Variants in KCNIP4 observed in about 807,000 individuals in gnomAD.
The protein encoded by KCNIP4 is potassium voltage-gated channel interacting protein 4.
Under a neutral mutation model 34.0 loss-of-function variants are expected in KCNIP4, and 12 were observed. The observed-to-expected ratio is 0.35, with a 90% CI of 0.23 to 0.57. The LOEUF is 0.57. Ranked by LOEUF, KCNIP4 falls within the 20% of genes least tolerant of loss-of-function variation. The probability of loss-of-function intolerance (pLI) is 0.83; values close to 1 mark genes in which losing one functional copy is unlikely to be tolerated. For synonymous variants in KCNIP4, 124 were observed against 102.2 expected, an observed-to-expected ratio of 1.21 and a Z score of -1.29; for missense variants, 238 against 311.7, an observed-to-expected ratio of 0.76 and a Z score of 1.78.
chr4:21,271,505 G>A (rs1762142052), intron 1 of KCNIP4, among the ~76,000 whole-genome samples: 1 of 152,136 alleles, frequency 6.6e-6, no homozygotes, highest in African/African-American at 2.4e-5. Flanking sequence ...GATGCTCAGG[G>A]TGCCAATGCT....
chr4:20,927,381 G>T (rs1730009583), intron 1 of KCNIP4, among the ~76,000 whole-genome samples: 1 of 152,130 alleles, frequency 6.6e-6, no homozygotes, highest in Non-Finnish European at 1.5e-5. Flanking sequence ...AGTGGCAAAA[G>T]AAAAAGAAGT....
chr4:21,156,738 A>G (rs1283499109), intron 1 of KCNIP4, among the ~76,000 whole-genome samples: 1 of 152,146 alleles, frequency 6.6e-6, no homozygotes, highest in Non-Finnish European at 1.5e-5. Context: ...CAATATCATC[A>G]TCTTTTTATA....
At chr4:21,577,219 C>A (rs1341355522) in intron 1 of KCNIP4, among the ~76,000 whole-genome samples, 1 of 152,142 alleles carries the variant, frequency 6.6e-6, no homozygotes, top group Non-Finnish European at 1.5e-5. Flanking sequence ...CTGAAAAACC[C>A]TTGACTCTAA....
At position 21,602,032 on chromosome 4, in the gene KCNIP4, T is replaced by C. The variant is rs528939117; in HGVS notation, c.61+346539A>G. On this transcript the variant is annotated intron_variant, in intron 1 of 8. Coordinates refer to ENST00000382152, the MANE Select transcript of KCNIP4 (RefSeq NM_025221.6). ...ATAGTCATGCCCCTCCCCAACGCAATTGTAAGGACACCATTTCAATAAGCA... is the reference window on the plus strand; with the variant it reads ...ATAGTCATGCCCCTCCCCAACGCAACTGTAAGGACACCATTTCAATAAGCA... Among the ~76,000 whole-genome samples the C allele has an allele frequency of 8.1e-4, 124 of 152,296 alleles. 1 individual carries two copies. The highest frequency in any genetic ancestry group is 3.4e-3 in the Middle Eastern group (1 of 294).
chr4:21,502,569 C>G (rs1338303657), intron 1 of KCNIP4, among the ~76,000 whole-genome samples: 1 of 152,026 alleles, frequency 6.6e-6, no homozygotes, highest in Non-Finnish European at 1.5e-5. Context: ...ACACTTGCCT[C>G]TTAAATGTTC....
At chr4:21,595,294 G>A (rs550100579) in intron 1 of KCNIP4, among the ~76,000 whole-genome samples, 23 of 152,046 alleles carry the variant, frequency 1.5e-4, no homozygotes, top group Admixed American at 2.6e-4. Flanking sequence ...TTCCAGCTCC[G>A]TCCATGTCCC....
At chr4:20,741,203 G>T (rs569835178) in intron 5 of KCNIP4, among the ~76,000 whole-genome samples, 1 of 152,254 alleles carries the variant, frequency 6.6e-6, no homozygotes, top group Non-Finnish European at 1.5e-5. Context: ...CTTGAACTCA[G>T]CTCTGCAGCA....
chr4:21,315,669 T>C (rs1713671360), intron 1 of KCNIP4, among the ~76,000 whole-genome samples: 1 of 152,078 alleles, frequency 6.6e-6, no homozygotes, highest in Non-Finnish European at 1.5e-5. Context: ...ACAAGGTGGG[T>C]GTTATGGTTA....
chr4:20,958,248 C>G (rs1733507376), intron 1 of KCNIP4, among the ~76,000 whole-genome samples: 1 of 152,140 alleles, frequency 6.6e-6, no homozygotes, highest in African/African-American at 2.4e-5. Flanking sequence ...TTCCTAATGG[C>G]CAGTGAAGTT....
At chr4:21,873,124 A>T (rs1725907840) in intron 1 of KCNIP4, among the ~76,000 whole-genome samples, 1 of 152,242 alleles carries the variant, frequency 6.6e-6, no homozygotes, top group Admixed American at 6.5e-5. Flanking sequence ...AGAAGTAGAG[A>T]GAACCACGTT....
intron 1 of KCNIP4, among the ~76,000 whole-genome samples, chr4:21,262,036 T>C (rs538159321): frequency 1.8e-4 from 27 of 152,348 alleles, no homozygotes; most frequent in Middle Eastern, 6.8e-3. Context: ...CAGTCTTATC[T>C]CATAATGTTC....
At chr4:21,760,740 C>T (rs1180944937) in intron 1 of KCNIP4, among the ~76,000 whole-genome samples, 1 of 151,988 alleles carries the variant, frequency 6.6e-6, no homozygotes, top group Non-Finnish European at 1.5e-5. Context: ...TTAAATATTT[C>T]TATTATTTAT....
intron 1 of KCNIP4, among the ~76,000 whole-genome samples, chr4:21,387,822 T>C (rs1722168883): frequency 6.6e-6 from 1 of 152,144 alleles, no homozygotes; most frequent in African/African-American, 2.4e-5. Context: ...ATAAAATACT[T>C]TGTACTCACA....
At chr4:21,314,083 G>A (rs951679280) in intron 1 of KCNIP4, among the ~76,000 whole-genome samples, 11 of 152,136 alleles carry the variant, frequency 7.2e-5, no homozygotes, top group African/African-American at 1.9e-4. Context: ...TTATGACTGA[G>A]TTCCCCTGCT....
chr4:21,095,554 A>C (rs547536165), intron 1 of KCNIP4, among the ~76,000 whole-genome samples: 20 of 152,344 alleles, frequency 1.3e-4, no homozygotes, highest in African/African-American at 4.3e-4. Flanking sequence ...AACATGAATG[A>C]AATAAAAATA....
chr4:21,112,004 C>T (rs1269090755), intron 1 of KCNIP4, among the ~76,000 whole-genome samples: 1 of 108,298 alleles, frequency 9.2e-6, no homozygotes. Context: ...AAACAAACAA[C>T]AACAAATCTA....
intron 3 of KCNIP4, among the ~76,000 whole-genome samples, chr4:20,793,812 A>T (rs1332626417): frequency 6.6e-6 from 1 of 151,644 alleles, no homozygotes; most frequent in Non-Finnish European, 1.5e-5. Flanking sequence ...ACAGATCATC[A>T]GGTACTAGAT....
intron 1 of KCNIP4, among the ~76,000 whole-genome samples, chr4:21,438,442 C>T (rs1358377269): frequency 6.6e-6 from 1 of 152,152 alleles, no homozygotes; most frequent in East Asian, 1.9e-4. Flanking sequence ...ATACATATTA[C>T]TGTAACAGAT....
At chr4:20,775,500 A>G (rs1485807788) in intron 3 of KCNIP4, among the ~76,000 whole-genome samples, 1 of 150,772 alleles carries the variant, frequency 6.6e-6, no homozygotes, top group African/African-American at 2.4e-5. Context: ...CAGGAGTCCA[A>G]GGCCATCCTG....
Sources: gnomAD v4.1 joint callset for allele counts (sites outside exome capture counted in the v4.1 genomes callset) on GRCh38, gnomAD v4.1.1 for gene constraint, MANE v1.5 for transcripts, NCBI Gene and HGNC (gene_info 2026-07-23, HGNC 2026-07-21) for gene names.